The following SHISAL1 variants were observed in gnomAD, a reference collection of about 807,000 sequenced individuals.
SHISAL1 encodes protein shisa-like-1.
In SHISAL1, 9 loss-of-function variants were observed where a neutral mutation model predicts 22.6. That is an observed-to-expected ratio of 0.40 (90% CI 0.24 to 0.70). The LOEUF is 0.70. Among genes scored for constraint, SHISAL1 ranks in the 30% least tolerant of loss-of-function variants. SHISAL1 has a pLI of 0.39. For missense variants in SHISAL1, 246 were observed against 270.6 expected (o/e 0.91, Z 0.64); for synonymous variants, 119 against 115.4 (o/e 1.03, Z -0.20).
rs28374315 is a variant in SHISAL1 at position 44,284,905 on chromosome 22, T to G, written c.599+523A>C. On this transcript the variant is annotated intron_variant, in intron 4 of 4. Transcript: ENST00000381176. ...CACCTCTCTGCCTTCCTGCCTTCCT[T>G]CCTTCCTTCCTTCCTTCCTTCCTTC... Among the ~76,000 whole-genome samples, 205 of 32,422 alleles carry G rather than the reference T, an allele frequency of 6.3e-3. 3 individuals are homozygous for G. Among genetic ancestry groups the G allele is most frequent in the South Asian group, 0.045 (46 of 1,014 alleles). 21.3% of individuals were successfully genotyped at this position (32,422 alleles called of 152,430 possible).
At chr22:44,277,740 G>A (rs1420330816) in intron 4 of SHISAL1, among the ~76,000 whole-genome samples, 2 of 152,216 alleles carry the variant, frequency 1.3e-5, no homozygotes, top group African/African-American at 4.8e-5. Flanking sequence ...GGCCTGAGGT[G>A]GAAGTGGATC....
At chr22:44,287,036 G>A (rs575891033) in intron 3 of SHISAL1, among the ~76,000 whole-genome samples, 10 of 152,132 alleles carry the variant, frequency 6.6e-5, no homozygotes, top group East Asian at 1.9e-4. Flanking sequence ...CGGAGGTCTC[G>A]CGGGCAGCAG....
rs1601787485 is a variant in SHISAL1 at position 44,275,222 on chromosome 22, A to G, written c.599+10206T>C. On this transcript the variant is annotated intron_variant, in intron 4 of 4. Transcript: ENST00000381176. ...GGTGGAAGAGAAGAGTACACCTGCCACCTCCGGAAAGATTCCCAGGGCTGG... is the reference window on the plus strand; with the variant it reads ...GGTGGAAGAGAAGAGTACACCTGCCGCCTCCGGAAAGATTCCCAGGGCTGG... Among the ~76,000 whole-genome samples, 5 of 152,092 alleles carry G rather than the reference A, an allele frequency of 3.3e-5. No homozygotes were observed. The South Asian group carries it at 1.0e-3, about 32-fold the overall frequency.
At chr22:44,259,880 G>A (rs758211397) in intron 4 of SHISAL1, among the ~76,000 whole-genome samples, 11 of 151,988 alleles carry the variant, frequency 7.2e-5, no homozygotes, top group Non-Finnish European at 1.2e-4. Flanking sequence ...CAATTATAAC[G>A]TTTACCTCCT....
chr22:44,289,335 G>C (rs967989850), intron 3 of SHISAL1, among the ~76,000 whole-genome samples: 1 of 152,222 alleles, frequency 6.6e-6, no homozygotes, highest in Admixed American at 6.5e-5. Flanking sequence ...ATCTAGGATA[G>C]ATGTCCAAAG....
In SHISAL1 at chr22:44,285,573, G is replaced by C. The variant is rs754825830; in HGVS notation, c.454C>G (p.Pro152Ala). 6.2e-7 allele frequency: 1 copy of C among 1,613,798 alleles called. No individual in the cohort carries two copies. The highest frequency in any genetic ancestry group is 8.5e-7 in the Non-Finnish European group (1 of 1,179,700). ...MKQDPRRWGN[P>A]ARAPRPGQRA... ...TGACCCGGCCGAGGGGCCCGAGCGG[G>C]GTTCCCCCACCGCCGGGGGTCCTGT... The change falls in exon 4 of 5, where the codon CCC becomes GCC. Residue 152 changes from proline (P) to alanine (A), a missense_variant. Physicochemically the swap from Pro to Ala is conservative, Grantham distance 27. Coordinates refer to ENST00000381176, the MANE Select transcript of SHISAL1 (RefSeq NM_001099294.2).
At chr22:44,317,291 G>T (rs2055564096), upstream of SHISAL1, among the ~76,000 whole-genome samples, 1 of 152,216 alleles carries the variant, frequency 6.6e-6, no homozygotes, top group Non-Finnish European at 1.5e-5. Flanking sequence ...CGACGAGCAG[G>T]GCCCGGCCAG....
chr22:44,309,001 GC>G (rs2055498776), intron 1 of SHISAL1, among the ~76,000 whole-genome samples: 2 of 152,228 alleles, frequency 1.3e-5, no homozygotes, highest in Admixed American at 6.5e-5. Flanking sequence ...AGGAGTCTGG[GC>G]CTTTGCCCAG....
intron 4 of SHISAL1, among the ~76,000 whole-genome samples, chr22:44,252,868 G>A (rs937525228): frequency 5.9e-5 from 9 of 151,918 alleles, no homozygotes; most frequent in African/African-American, 1.9e-4. Context: ...GGTGGTGGGT[G>A]CCTGCAGTCC....
chr22:44,294,344 G>A (rs937980853), intron 3 of SHISAL1, among the ~76,000 whole-genome samples: 29 of 152,272 alleles, frequency 1.9e-4, no homozygotes, highest in African/African-American at 6.3e-4. Flanking sequence ...TGGAACAGGC[G>A]GCTTCCCCCT....
At chr22:44,325,477 C>T in the SHISAL1 span, among the ~76,000 whole-genome samples, 3 of 152,148 alleles carry the variant, frequency 2.0e-5, no homozygotes, top group Non-Finnish European at 4.4e-5. Flanking sequence ...GTTCGGTTCC[C>T]GTGGAGGGAG....
At chr22:44,296,345 A>G (rs957938134) in intron 3 of SHISAL1, among the ~76,000 whole-genome samples, 1 of 152,180 alleles carries the variant, frequency 6.6e-6, no homozygotes, top group Non-Finnish European at 1.5e-5. Flanking sequence ...TTTTTAGTAG[A>G]GATGGGGTTT....
chr22:44,272,417 C>A (rs112525911), intron 4 of SHISAL1, among the ~76,000 whole-genome samples: 1,707 of 152,328 alleles, frequency 0.011, 41 homozygotes, highest in African/African-American at 0.039. Flanking sequence ...AGGGGCCCGG[C>A]CTTTTTCATC....
At chr22:44,321,824 C>A in the SHISAL1 span, among the ~76,000 whole-genome samples, 8 of 152,042 alleles carry the variant, frequency 5.3e-5, no homozygotes, top group Non-Finnish European at 8.8e-5. Context: ...CTCTCCTCCC[C>A]AAAGAGGAGT....
intron 4 of SHISAL1, 94 bp downstream of exon 4, chr22:44,285,334 G>T: frequency 1.5e-6 from 2 of 1,350,228 alleles, no homozygotes; most frequent in Non-Finnish European, 2.1e-6. Flanking sequence ...GGCAACCAAT[G>T]AGCCAAACAC....
chr22:44,280,597 A>C (rs1450154247), intron 4 of SHISAL1, among the ~76,000 whole-genome samples: 1 of 151,988 alleles, frequency 6.6e-6, no homozygotes, highest in Non-Finnish European at 1.5e-5. Context: ...TCAGGTAGGG[A>C]GGCAGAGTCA....
intron 1 of SHISAL1, among the ~76,000 whole-genome samples, chr22:44,305,276 G>C (rs2055462390): frequency 6.6e-6 from 1 of 152,202 alleles, no homozygotes; most frequent in Non-Finnish European, 1.5e-5. Flanking sequence ...CCTGGGCTGG[G>C]CTCTAGGAAC....
intron 4 of SHISAL1, among the ~76,000 whole-genome samples, chr22:44,282,626 A>T (rs2055284615): frequency 6.6e-6 from 1 of 152,184 alleles, no homozygotes; most frequent in Admixed American, 6.5e-5. Flanking sequence ...CAGGGGAGAA[A>T]GGCAGAGAAG....
chr22:44,304,175 T>C (rs1601804469), intron 1 of SHISAL1, among the ~76,000 whole-genome samples: 1 of 152,108 alleles, frequency 6.6e-6, no homozygotes, highest in African/African-American at 2.4e-5. Flanking sequence ...GACACCAACC[T>C]GGGTCCCAGG....
Sources: allele counts gnomAD v4.1 joint callset (sites outside exome capture counted in the v4.1 genomes callset), GRCh38; gene constraint gnomAD v4.1.1; transcripts MANE v1.5; gene names NCBI Gene and HGNC (gene_info 2026-07-23, HGNC 2026-07-21).